Variants in ASIC2 observed in about 807,000 individuals in gnomAD.
ASIC2 encodes acid sensing ion channel subunit 2.
A neutral mutation model predicts 57.3 loss-of-function variants in ASIC2; 25 were observed. The observed-to-expected ratio is 0.44, with a 90% CI of 0.32 to 0.61. The LOEUF (loss-of-function observed/expected upper bound fraction) is 0.61, where lower values mean the gene tolerates loss of function less well. ASIC2 is among the 20% of genes least tolerant of loss of function. ASIC2 has a pLI of 0.06. For missense variants in ASIC2, 641 were observed against 738.1 expected (o/e 0.87, Z 1.52); for synonymous variants, 319 against 307.5 (o/e 1.04, Z -0.39).
chr17:33,713,114 G>T, intron 1 of ASIC2, among the ~76,000 whole-genome samples: 1 of 152,296 alleles, frequency 6.6e-6, no homozygotes, highest in South Asian at 2.1e-4. Context: ...ACACTGTCAT[G>T]CTTGCGCTAT....
chr17:33,292,971 C>T lies in ASIC2; in HGVS notation c.-856G>A. 1.0e-6 allele frequency: 1 copy of T among 985,564 alleles called. No homozygotes were observed. The highest frequency in any genetic ancestry group is 1.2e-6 in the Non-Finnish European group (1 of 830,022). The allele number at this position is 985,564 out of a possible 1,614,324, so 61.1% of individuals were successfully genotyped here. A position where few individuals can be genotyped will look rare whatever the true frequency, so the allele number is the denominator to read the frequency against. ...AGCCGCAGGGAAGTGTCGCTTCTCG[C>T]CTCGGCTCTCCCAGGTGCCTCGCGT... On this transcript the variant is annotated 5_prime_UTR_variant, in exon 1 of 10. Coordinates refer to ENST00000225823, the MANE Select transcript of ASIC2 (RefSeq NM_183377.2).
intron 1 of ASIC2, among the ~76,000 whole-genome samples, chr17:33,953,844 G>A (rs868839379): frequency 1.7e-4 from 26 of 152,166 alleles, no homozygotes; most frequent in African/African-American, 6.0e-4. Context: ...AGTATATTAA[G>A]AGGAAGGATC....
chr17:33,098,980 T>A (rs12602263), intron 2 of ASIC2, among the ~76,000 whole-genome samples: 40,133 of 148,716 alleles, frequency 0.27, 6,032 homozygotes, highest in East Asian at 0.43. Context: ...AAACAAAAAA[T>A]ATATATATAA....
intron 1 of ASIC2, among the ~76,000 whole-genome samples, chr17:33,776,794 G>A (rs933465208): frequency 1.3e-5 from 2 of 152,190 alleles, no homozygotes; most frequent in African/African-American, 2.4e-5. Flanking sequence ...TTCGGGCTTC[G>A]TGATAGAATT....
chr17:33,876,180 G>A (rs1188964768), intron 1 of ASIC2, among the ~76,000 whole-genome samples: 1 of 152,096 alleles, frequency 6.6e-6, no homozygotes, highest in African/African-American at 2.4e-5. Context: ...CGGGACTACG[G>A]TTATGGCCTT....
intron 1 of ASIC2, among the ~76,000 whole-genome samples, chr17:33,984,687 G>C (rs1226819618): frequency 2.6e-5 from 4 of 152,194 alleles, no homozygotes; most frequent in African/African-American, 4.8e-5. Flanking sequence ...TCACTTGTCT[G>C]TCTAAGCTGG....
chr17:34,140,380 C>T (rs1025939915), intron 1 of ASIC2, among the ~76,000 whole-genome samples: 1 of 152,108 alleles, frequency 6.6e-6, no homozygotes, highest in African/African-American at 2.4e-5. Context: ...TTGAGATGTA[C>T]GTGTAAATGT....
chr17:33,144,916 T>C (rs1354574224), intron 1 of ASIC2, among the ~76,000 whole-genome samples: 1 of 152,226 alleles, frequency 6.6e-6, no homozygotes, highest in Non-Finnish European at 1.5e-5. Flanking sequence ...TTCATTTTCA[T>C]TGGCCTGGAA....
intron 1 of ASIC2, among the ~76,000 whole-genome samples, chr17:33,353,941 T>C (rs567536581): frequency 4.3e-4 from 65 of 152,274 alleles, no homozygotes; most frequent in Middle Eastern, 3.4e-3. Context: ...GGGTAATTTA[T>C]AAAGGAAATA....
intron 1 of ASIC2, among the ~76,000 whole-genome samples, chr17:33,703,567 G>T (rs1327392607): frequency 1.3e-5 from 2 of 152,090 alleles, no homozygotes; most frequent in Non-Finnish European, 2.9e-5. Flanking sequence ...TGCCCAGGCT[G>T]CTCTCAAACT....
chr17:33,231,626 G>C (rs1465387893), intron 1 of ASIC2, among the ~76,000 whole-genome samples: 1 of 152,152 alleles, frequency 6.6e-6, no homozygotes. Context: ...CTTAGGTGCT[G>C]AGTTGGAGAC....
At chr17:33,273,216 G>T (rs1403909200) in intron 1 of ASIC2, among the ~76,000 whole-genome samples, 1 of 152,164 alleles carries the variant, frequency 6.6e-6, no homozygotes, top group East Asian at 1.9e-4. Context: ...AAAATTAAAA[G>T]AGTAGAAAAA....
chr17:33,037,104 T>TA (rs1217953373), intron 3 of ASIC2, among the ~76,000 whole-genome samples: 1 of 87,880 alleles, frequency 1.1e-5, no homozygotes, highest in African/African-American at 4.5e-5. Flanking sequence ...AACCCCAAAT[T>TA]AAAAAAAATT....
chr17:33,087,755 C>T (rs1460293530), intron 3 of ASIC2, among the ~76,000 whole-genome samples: 1 of 151,276 alleles, frequency 6.6e-6, no homozygotes, highest in Admixed American at 6.6e-5. Context: ...GATAAGGTCT[C>T]ATAATGTTGC....
At chr17:33,815,510 C>T (rs550482322) in intron 1 of ASIC2, among the ~76,000 whole-genome samples, 1 of 152,314 alleles carries the variant, frequency 6.6e-6, no homozygotes, top group Admixed American at 6.5e-5. Context: ...CTTGACTTAA[C>T]TCACCCCTCT....
intron 3 of ASIC2, among the ~76,000 whole-genome samples, chr17:33,081,617 T>C (rs536055736): frequency 6.6e-6 from 1 of 152,182 alleles, no homozygotes; most frequent in Non-Finnish European, 1.5e-5. Context: ...GAAACATGGA[T>C]ATTAAGGACC....
At chr17:33,829,230 G>A (rs1240096146) in intron 1 of ASIC2, among the ~76,000 whole-genome samples, 2 of 152,214 alleles carry the variant, frequency 1.3e-5, no homozygotes, top group Non-Finnish European at 2.9e-5. Flanking sequence ...GAACAGAAAA[G>A]CAGACCATTC....
At chr17:33,854,239 A>AC (rs61188082) in intron 1 of ASIC2, among the ~76,000 whole-genome samples, 17,297 of 152,150 alleles carry the variant, frequency 0.11, 1,579 homozygotes, top group African/African-American at 0.26. Context: ...TCTGCACTGT[A>AC]GGCATGCATG....
intron 1 of ASIC2, among the ~76,000 whole-genome samples, chr17:33,480,701 T>C (rs1913375874): frequency 6.6e-6 from 1 of 152,118 alleles, no homozygotes; most frequent in African/African-American, 2.4e-5. Context: ...TTTAGGCATC[T>C]GATTCATTCT....
Sources: gnomAD v4.1 joint callset for allele counts (sites outside exome capture counted in the v4.1 genomes callset) on GRCh38, gnomAD v4.1.1 for gene constraint, MANE v1.5 for transcripts, NCBI Gene and HGNC (gene_info 2026-07-23, HGNC 2026-07-21) for gene names.